The following DTNBP1 variants were observed in gnomAD, a reference collection of about 807,000 sequenced individuals.
DTNBP1 encodes the protein dysbindin.
DTNBP1 carries 35 observed loss-of-function variants against 42.8 expected under a neutral mutation model. That is an observed-to-expected ratio of 0.82 (90% CI 0.63 to 1.09). The LOEUF (loss-of-function observed/expected upper bound fraction) is 1.09. Ranked by LOEUF, DTNBP1 falls within the 50% of genes least tolerant of loss-of-function variation. The pLI, the probability that DTNBP1 is intolerant of heterozygous loss-of-function variation, is 0.00. For missense variants in DTNBP1, 457 were observed against 424.2 expected (o/e 1.08, Z -0.68); for synonymous variants, 171 against 162.2 (o/e 1.05, Z -0.41).
At chr6:15,639,956 A>G (rs1457461050) in intron 3 of DTNBP1, among the ~76,000 whole-genome samples, 1 of 152,096 alleles carries the variant, frequency 6.6e-6, no homozygotes, top group Non-Finnish European at 1.5e-5. Flanking sequence ...CCCCGTTATT[A>G]TGTATGCTTT....
intron 3 of DTNBP1, among the ~76,000 whole-genome samples, chr6:15,649,962 A>G (rs899496853): frequency 1.2e-4 from 19 of 152,360 alleles, no homozygotes; most frequent in African/African-American, 4.3e-4. Context: ...TTACTGATTA[A>G]TTTGTACTAC....
chr6:15,616,943 A>G (rs906472761), intron 5 of DTNBP1, among the ~76,000 whole-genome samples: 1 of 152,232 alleles, frequency 6.6e-6, no homozygotes, highest in African/African-American at 2.4e-5. Context: ...ATACAAAATC[A>G]ATACACAAAA....
chr6:15,524,296 T>C, intron 9 of DTNBP1: 1 of 1,609,950 alleles, frequency 6.2e-7, no homozygotes, highest in Non-Finnish European at 8.5e-7. Flanking sequence ...CTCACCAAAG[T>C]TACCGGAGTG....
intron 1 of DTNBP1, chr6:15,660,670 A>G (rs958744415): frequency 1.5e-6 from 1 of 688,056 alleles, no homozygotes; most frequent in Admixed American, 2.8e-5. Flanking sequence ...CTCCTTAACT[A>G]ACTCTAAACG....
At chr6:15,523,561 T>TA in intron 9 of DTNBP1, 2 of 1,183,836 alleles carry the variant, frequency 1.7e-6, no homozygotes, top group Middle Eastern at 3.6e-4. Flanking sequence ...AATCTAGATT[T>TA]CTTTTTTTTT....
chr6:15,532,374 A>C (rs1037208146), intron 8 of DTNBP1, among the ~76,000 whole-genome samples: 4 of 152,218 alleles, frequency 2.6e-5, no homozygotes, highest in Non-Finnish European at 5.9e-5. Flanking sequence ...AAGATTTTAA[A>C]TGTTCAGCTA....
chr6:15,575,370 T>C (rs1775517572), intron 7 of DTNBP1, among the ~76,000 whole-genome samples: 1 of 152,106 alleles, frequency 6.6e-6, no homozygotes, highest in Non-Finnish European at 1.5e-5. Context: ...GAAAACCAAA[T>C]AACCCACTCT....
intron 1 of DTNBP1, among the ~76,000 whole-genome samples, chr6:15,661,143 T>C (rs1761591624): frequency 6.6e-6 from 1 of 152,224 alleles, no homozygotes; most frequent in Non-Finnish European, 1.5e-5. Context: ...CAAATAGTAT[T>C]AACATTTTTG....
At chr6:15,584,621 TTTCTC>T (rs1317287971) in intron 7 of DTNBP1, among the ~76,000 whole-genome samples, 5 of 151,864 alleles carry the variant, frequency 3.3e-5, no homozygotes, top group African/African-American at 9.7e-5. Context: ...AGAAGGAACT[TTTCTC>T]TTAAGTTTGA....
At chr6:15,634,925 C>T (rs933818792) in intron 4 of DTNBP1, among the ~76,000 whole-genome samples, 2 of 152,090 alleles carry the variant, frequency 1.3e-5, no homozygotes, top group African/African-American at 4.8e-5. Flanking sequence ...AATGAGTTTC[C>T]TTTTTTCCTG....
intron 1 of DTNBP1, among the ~76,000 whole-genome samples, chr6:15,658,302 A>C (rs945059734): frequency 3.3e-5 from 5 of 152,196 alleles, no homozygotes; most frequent in African/African-American, 1.2e-4. Context: ...TTTCTCTTTA[A>C]GATGATGATT....
rs147685670 is a variant in DTNBP1 at position 15,601,956 on chromosome 6, T to C, written c.489-8875A>G. Among the ~76,000 whole-genome samples, 403 of 152,088 alleles carry C rather than the reference T, an allele frequency of 2.6e-3. 7 individuals are homozygous for C. The highest frequency in any genetic ancestry group is 0.02 in the Admixed American group (298 of 15,276). ...TATCTTTGGGGGAAAATGTCCCTCT[T>C]TGAAATCCAGTATCAAACCTCTCCA... On this transcript the variant is annotated intron_variant, in intron 6 of 9. Coordinates refer to ENST00000344537, the MANE Select transcript of DTNBP1 (RefSeq NM_032122.5).
intron 1 of DTNBP1, among the ~76,000 whole-genome samples, chr6:15,659,047 C>T (rs567680716): frequency 6.6e-6 from 1 of 152,060 alleles, no homozygotes; most frequent in Non-Finnish European, 1.5e-5. Flanking sequence ...AGAGCTCCCC[C>T]CAAACCACCA....
intron 1 of DTNBP1, chr6:15,660,265 G>T: frequency 2.1e-6 from 2 of 939,196 alleles, no homozygotes; most frequent in Non-Finnish European, 3.0e-6. Context: ...CATGTGTGCT[G>T]TGTTTAGCGT....
At chr6:15,547,357 T>C (rs970501728) in intron 7 of DTNBP1, among the ~76,000 whole-genome samples, 1 of 152,156 alleles carries the variant, frequency 6.6e-6, no homozygotes, top group Non-Finnish European at 1.5e-5. Context: ...AGTAATCCAT[T>C]TGGGCCAAAG....
At chr6:15,613,535 T>A (rs1295950732) in intron 6 of DTNBP1, among the ~76,000 whole-genome samples, 1 of 151,400 alleles carries the variant, frequency 6.6e-6, no homozygotes, top group Non-Finnish European at 1.5e-5. Flanking sequence ...CCCGGCTAAT[T>A]TTTTGTATTT....
chr6:15,542,456 C>T (rs1005061246), intron 7 of DTNBP1, among the ~76,000 whole-genome samples: 2 of 152,088 alleles, frequency 1.3e-5, no homozygotes, highest in African/African-American at 2.4e-5. Context: ...ACTGCAATCT[C>T]GGCCTCCCTG....
At position 15,662,952 on chromosome 6, in the gene DTNBP1, G is replaced by C; in HGVS notation, c.-83C>G. On this transcript the variant is annotated 5_prime_UTR_variant, in exon 1 of 10. Transcript: ENST00000344537. ...CCCTGGGTCCCACGCCGCCAACCCC[G>C]CGCTGTCACCGCGCGCCCCGCACTC... 1 of 1,578,512 alleles carries C rather than the reference G, an allele frequency of 6.3e-7. No homozygotes were observed. Among genetic ancestry groups the C allele is most frequent in the Non-Finnish European group, 8.6e-7 (1 of 1,163,578 alleles).
At chr6:15,655,893 T>C (rs1260976783) in intron 1 of DTNBP1, among the ~76,000 whole-genome samples, 1 of 150,282 alleles carries the variant, frequency 6.7e-6, no homozygotes, top group East Asian at 1.9e-4. Flanking sequence ...TCTGGAGAAC[T>C]TATTCTGTCC....
Sources: allele counts gnomAD v4.1 joint callset (sites outside exome capture counted in the v4.1 genomes callset), GRCh38; gene constraint gnomAD v4.1.1; transcripts MANE v1.5; gene names NCBI Gene and HGNC (gene_info 2026-07-23, HGNC 2026-07-21).